CTNNA3: variants seen among roughly 807,000 people sequenced by gnomAD.
The protein encoded by CTNNA3 is catenin alpha-3.
CTNNA3 carries 76 observed loss-of-function variants against 95.7 expected under a neutral mutation model. That is an observed-to-expected ratio of 0.79 (90% CI 0.66 to 0.96). The LOEUF (loss-of-function observed/expected upper bound fraction) is 0.96. Ranked by LOEUF, CTNNA3 falls within the 40% of genes least tolerant of loss-of-function variation. The pLI, the probability that CTNNA3 is intolerant of heterozygous loss-of-function variation, is 0.00. For synonymous variants in CTNNA3, 431 were observed against 374.4 expected (o/e 1.15, Z -1.74); for missense variants, 1,191 against 1,089.8 (o/e 1.09, Z -1.31).
At chr10:66,471,352 G>A (rs961382269) in intron 11 of CTNNA3, among the ~76,000 whole-genome samples, 1 of 151,306 alleles carries the variant, frequency 6.6e-6, no homozygotes, top group Non-Finnish European at 1.5e-5. Flanking sequence ...AGCTATAGTA[G>A]GCATTCCTTC....
intron 11 of CTNNA3, among the ~76,000 whole-genome samples, chr10:66,387,411 G>C (rs2092901913): frequency 6.6e-6 from 1 of 152,160 alleles, no homozygotes; most frequent in Non-Finnish European, 1.5e-5. Flanking sequence ...TCTCATGCCA[G>C]TTAGAATGGC....
intron 7 of CTNNA3, among the ~76,000 whole-genome samples, chr10:66,808,940 T>C (rs528999306): frequency 6.6e-5 from 10 of 152,342 alleles, no homozygotes; most frequent in Non-Finnish European, 1.3e-4. Context: ...TAGTAGAAGA[T>C]GTTGCTTTAT....
chr10:66,587,214 G>T (rs928764134), intron 10 of CTNNA3, among the ~76,000 whole-genome samples: 1 of 152,140 alleles, frequency 6.6e-6, no homozygotes, highest in Non-Finnish European at 1.5e-5. Context: ...TTTAGCTAAG[G>T]TAATACTGGC....
chr10:67,037,388 G>GA (rs66693044), intron 7 of CTNNA3, among the ~76,000 whole-genome samples: 3,177 of 145,564 alleles, frequency 0.022, 114 homozygotes, highest in African/African-American at 0.075. Flanking sequence ...AAAGAAAAAA[G>GA]AAAAAAAAAA....
At chr10:66,368,299 G>A (rs2092728374) in intron 12 of CTNNA3, among the ~76,000 whole-genome samples, 3 of 151,990 alleles carry the variant, frequency 2.0e-5, no homozygotes, top group Admixed American at 2.0e-4. Context: ...CAACAGTCAA[G>A]CAGAAACTCA....
chr10:66,570,060 T>C (rs1357976966), intron 10 of CTNNA3, among the ~76,000 whole-genome samples: 2 of 152,140 alleles, frequency 1.3e-5, no homozygotes, highest in Non-Finnish European at 2.9e-5. Context: ...TCTCATCTCT[T>C]GCCTTTCCAA....
intron 6 of CTNNA3, among the ~76,000 whole-genome samples, chr10:67,195,181 T>G (rs1210771172): frequency 6.6e-6 from 1 of 152,088 alleles, no homozygotes; most frequent in African/African-American, 2.4e-5. Context: ...TTTAGACATA[T>G]TGAGTCTGGG....
At chr10:65,949,427 C>T (rs1474700746) in intron 17 of CTNNA3, among the ~76,000 whole-genome samples, 1 of 152,088 alleles carries the variant, frequency 6.6e-6, no homozygotes, top group African/African-American at 2.4e-5. Flanking sequence ...AGCAAATACT[C>T]CTGTCACCTT....
chr10:66,999,999 TAACACTTC>T (rs1377687048), intron 7 of CTNNA3, among the ~76,000 whole-genome samples: 1 of 152,202 alleles, frequency 6.6e-6, no homozygotes, highest in Admixed American at 6.5e-5. Context: ...TTTGTCTTAC[TAACACTTC>T]AATTTATGGG....
At chr10:67,147,072 A>G (rs573472264) in intron 7 of CTNNA3, among the ~76,000 whole-genome samples, 1 of 152,282 alleles carries the variant, frequency 6.6e-6, no homozygotes, top group East Asian at 1.9e-4. Context: ...TTTTCTCAAA[A>G]CATCCCCACT....
chr10:67,484,016 G>C (rs1220502697), intron 5 of CTNNA3, among the ~76,000 whole-genome samples: 1 of 152,100 alleles, frequency 6.6e-6, no homozygotes, highest in Non-Finnish European at 1.5e-5. Flanking sequence ...AATTTGAATA[G>C]GCAAAACAAT....
intron 1 of CTNNA3, among the ~76,000 whole-genome samples, chr10:67,721,520 T>C (rs1022888147): frequency 1.3e-5 from 2 of 152,196 alleles, no homozygotes; most frequent in South Asian, 4.1e-4. Context: ...GTCATTTATG[T>C]TCTTCTCTAA....
chr10:66,290,793 G>T (rs1452191491), intron 12 of CTNNA3, among the ~76,000 whole-genome samples: 1 of 152,118 alleles, frequency 6.6e-6, no homozygotes, highest in Non-Finnish European at 1.5e-5. Context: ...ACAGAAGTGA[G>T]TCACAAATTA....
chr10:66,196,252 A>G (rs187178906), intron 13 of CTNNA3, among the ~76,000 whole-genome samples: 1 of 152,282 alleles, frequency 6.6e-6, no homozygotes, highest in East Asian at 1.9e-4. Flanking sequence ...TTAATGAGAA[A>G]AGTAGGAATC....
At chr10:66,066,356 C>T (rs1385721393) in intron 15 of CTNNA3, among the ~76,000 whole-genome samples, 2 of 152,192 alleles carry the variant, frequency 1.3e-5, no homozygotes, top group South Asian at 2.1e-4. Context: ...TGTTCCTATA[C>T]AGGCATATAC....
At chr10:66,266,061 A>G (rs2091142363) in intron 13 of CTNNA3, among the ~76,000 whole-genome samples, 1 of 150,440 alleles carries the variant, frequency 6.6e-6, no homozygotes, top group Non-Finnish European at 1.5e-5. Flanking sequence ...GAGGGAGGAA[A>G]AGAAGGGAAA....
chr10:67,691,887 T>TG lies in CTNNA3; in HGVS notation c.-6+4112dup, dbSNP rs1360773820. Among the ~76,000 whole-genome samples, 7 of 134,852 alleles carry TG rather than the reference T, an allele frequency of 5.2e-5. No homozygotes were observed. The South Asian group carries it at 7.5e-4, about 15-fold the overall frequency. The allele number at this position is 134,852 out of a possible 152,430, so 88.5% of individuals were successfully genotyped here. On this transcript the variant is annotated intron_variant, in intron 1 of 17. Transcript: ENST00000433211. ...CCAGCTGCCCCGTCCGGGAGGGAGG[T>TG]GGGGGGGTCAGCCCCCCGCCCGGCC...
At chr10:66,838,380 T>G (rs565528996) in intron 7 of CTNNA3, among the ~76,000 whole-genome samples, 2 of 152,266 alleles carry the variant, frequency 1.3e-5, no homozygotes, top group Non-Finnish European at 2.9e-5. Context: ...TATCTATTAT[T>G]AGTACTACTG....
intron 3 of CTNNA3, among the ~76,000 whole-genome samples, chr10:67,581,775 G>C (rs924485635): frequency 6.6e-6 from 1 of 151,972 alleles, no homozygotes; most frequent in African/African-American, 2.4e-5. Flanking sequence ...ACTTCTTCCT[G>C]GTTTAGTCTT....
Sources: gnomAD v4.1 joint callset for allele counts (sites outside exome capture counted in the v4.1 genomes callset) on GRCh38, gnomAD v4.1.1 for gene constraint, MANE v1.5 for transcripts, NCBI Gene and HGNC (gene_info 2026-07-23, HGNC 2026-07-21) for gene names.